AIG1: variants seen among roughly 807,000 people sequenced by gnomAD.
AIG1 encodes the protein androgen induced 1.
In AIG1, 23 loss-of-function variants were observed where a neutral mutation model predicts 31.4. The ratio of observed to expected loss-of-function variants is 0.73; its 90% CI spans 0.53 to 1.04. The LOEUF is 1.04. Among genes scored for constraint, AIG1 ranks in the 50% least tolerant of loss-of-function variants. AIG1 has a pLI of 0.00. For synonymous variants in AIG1, 100 were observed against 110.5 expected (o/e 0.90, Z 0.60); for missense variants, 274 against 295.0 (o/e 0.93, Z 0.52).
chr6:143,235,701 A>G (rs1482102116), intron 3 of AIG1, among the ~76,000 whole-genome samples: 2 of 152,200 alleles, frequency 1.3e-5, no homozygotes, highest in Non-Finnish European at 2.9e-5. Context: ...ATACCGTTGT[A>G]TTTAGGTTTT....
intron 1 of AIG1, among the ~76,000 whole-genome samples, chr6:143,119,314 C>G (rs775763877): frequency 5.9e-5 from 9 of 152,112 alleles, no homozygotes; most frequent in Admixed American, 3.3e-4. Flanking sequence ...TTTTTAAAGG[C>G]TCTACAATTC....
intron 2 of AIG1, among the ~76,000 whole-genome samples, chr6:143,159,557 A>G (rs1786132637): frequency 6.6e-6 from 1 of 152,240 alleles, no homozygotes. Flanking sequence ...TCACAGACTT[A>G]CATTCTAAGG....
At chr6:143,189,030 A>G in intron 3 of AIG1, 2 of 982,956 alleles carry the variant, frequency 2.0e-6, no homozygotes, top group Non-Finnish European at 2.4e-6. Context: ...AACTGTTCAC[A>G]TTTTTAACTT....
intron 1 of AIG1, among the ~76,000 whole-genome samples, chr6:143,132,410 C>T (rs1783323073): frequency 6.6e-6 from 1 of 151,936 alleles, no homozygotes; most frequent in African/African-American, 2.4e-5. Context: ...TTCATTGTTT[C>T]TTGGCTTGGA....
At chr6:143,118,961 C>T (rs1163435194) in intron 1 of AIG1, among the ~76,000 whole-genome samples, 2 of 151,650 alleles carry the variant, frequency 1.3e-5, no homozygotes, top group Non-Finnish European at 2.9e-5. Context: ...GCAACCTCGA[C>T]CTCCTGGGCT....
At chr6:143,300,091 A>T (rs1025833270) in intron 4 of AIG1, among the ~76,000 whole-genome samples, 7 of 152,198 alleles carry the variant, frequency 4.6e-5, no homozygotes, top group Non-Finnish European at 7.3e-5. Flanking sequence ...GGCTCAATAA[A>T]TTTTAAAGGA....
chr6:143,231,424 T>C (rs1456090443), intron 3 of AIG1, among the ~76,000 whole-genome samples: 1 of 152,182 alleles, frequency 6.6e-6, no homozygotes, highest in Admixed American at 6.5e-5. Context: ...TTGACTTAGC[T>C]GGGAAAGCTT....
chr6:143,188,866 A>G, intron 3 of AIG1: 2 of 985,210 alleles, frequency 2.0e-6, no homozygotes, highest in East Asian at 1.1e-4. Flanking sequence ...TCAATAAGAA[A>G]TTTGGCATTT....
At chr6:143,245,174 TAGTAG>T (rs1290722122) in intron 3 of AIG1, among the ~76,000 whole-genome samples, 5 of 152,308 alleles carry the variant, frequency 3.3e-5, no homozygotes, top group South Asian at 2.1e-4. Flanking sequence ...TCTCTTATAT[TAGTAG>T]AGTATAGTTG....
intron 2 of AIG1, among the ~76,000 whole-genome samples, chr6:143,148,046 T>A (rs1784851009): frequency 1.3e-5 from 2 of 152,170 alleles, no homozygotes; most frequent in Admixed American, 1.3e-4. Context: ...CTGCTTGAGG[T>A]CACACAGCAA....
At chr6:143,143,531 ATATAT>A (rs1784452863) in intron 2 of AIG1, among the ~76,000 whole-genome samples, 3 of 99,804 alleles carry the variant, frequency 3.0e-5, no homozygotes, top group East Asian at 3.7e-4. Flanking sequence ...AAAAAAAAAT[ATATAT>A]ATATATATAT....
At chr6:143,061,565 G>C in intron 1 of AIG1, 1 of 308,086 alleles carries the variant, frequency 3.2e-6, no homozygotes, top group South Asian at 2.9e-5. Context: ...ATAAGGGAGA[G>C]AAAGCACCTA....
intron 3 of AIG1, among the ~76,000 whole-genome samples, chr6:143,193,155 A>G (rs1789940455): frequency 6.6e-6 from 1 of 152,226 alleles, no homozygotes; most frequent in Non-Finnish European, 1.5e-5. Flanking sequence ...ATTTTACTCA[A>G]TATGAGTGTA....
chr6:143,267,908 A>G (rs959767191), intron 3 of AIG1, among the ~76,000 whole-genome samples: 8 of 152,176 alleles, frequency 5.3e-5, no homozygotes, highest in African/African-American at 1.9e-4. Flanking sequence ...CAACCAAAGT[A>G]GGTACGAGGA....
At chr6:143,300,825 G>A (rs560197682) in intron 4 of AIG1, among the ~76,000 whole-genome samples, 119 of 152,276 alleles carry the variant, frequency 7.8e-4, no homozygotes, top group Admixed American at 1.7e-3. Flanking sequence ...AATTTTCCAT[G>A]AAGAAGGCAT....
chr6:143,302,693 A>G (rs906926355), intron 4 of AIG1, among the ~76,000 whole-genome samples: 3 of 152,192 alleles, frequency 2.0e-5, no homozygotes, highest in African/African-American at 7.2e-5. Context: ...ATACGTGTGC[A>G]TGTGTCTTTA....
At chr6:143,127,091 A>T in intron 1 of AIG1, among the ~76,000 whole-genome samples, 1 of 152,190 alleles carries the variant, frequency 6.6e-6, no homozygotes, top group East Asian at 1.9e-4. Flanking sequence ...TCTCTGGATT[A>T]CATATAAATT....
intron 2 of AIG1, among the ~76,000 whole-genome samples, chr6:143,156,188 T>C (rs1046379007): frequency 2.0e-5 from 3 of 152,198 alleles, no homozygotes; most frequent in Non-Finnish European, 4.4e-5. Context: ...CTTGTAGGTA[T>C]ATAAAAACAT....
rs1352576411 is a variant in AIG1 at position 143,108,289 on chromosome 6, A to T, written c.142-28546A>T. 3.9e-5 allele frequency among the ~76,000 whole-genome samples: 6 copies of T among 152,282 alleles called. No individual in the cohort carries two copies. The East Asian group carries it at 9.6e-4, about 24-fold the overall frequency. On this transcript the variant is annotated intron_variant, in intron 1 of 5. Transcript: ENST00000357847. Reference sequence around the variant, plus strand: ...TACTAAGAGAAAATTTTTCTTTAAGATTTCTTACTTGCAACATAGCATTTA... The same window carrying T: ...TACTAAGAGAAAATTTTTCTTTAAGTTTTCTTACTTGCAACATAGCATTTA...
Sources: allele counts gnomAD v4.1 joint callset (sites outside exome capture counted in the v4.1 genomes callset), GRCh38; gene constraint gnomAD v4.1.1; transcripts MANE v1.5; gene names NCBI Gene and HGNC (gene_info 2026-07-23, HGNC 2026-07-21).